Variants in MORC1 observed in about 807,000 individuals in gnomAD.
MORC1 encodes MORC family CW-type zinc finger 1.
A neutral mutation model predicts 134.9 loss-of-function variants in MORC1; 59 were observed. The ratio of observed to expected loss-of-function variants is 0.44; its 90% CI spans 0.35 to 0.54. The LOEUF (loss-of-function observed/expected upper bound fraction) is 0.54. Ranked by LOEUF, MORC1 falls within the 20% of genes least tolerant of loss-of-function variation. The pLI is 0.00. For synonymous variants in MORC1, 395 were observed against 391.7 expected (o/e 1.01, Z -0.10); for missense variants, 947 against 1,134.5 (o/e 0.83, Z 2.37).
chr3:109,067,647 C>A (rs1471155212), intron 9 of MORC1, among the ~76,000 whole-genome samples: 6 of 152,174 alleles, frequency 3.9e-5, no homozygotes, highest in Admixed American at 3.9e-4. Context: ...AGACACTTGG[C>A]GCTTCCCAGA....
chr3:109,078,035 A>G (rs1950456022), intron 8 of MORC1, among the ~76,000 whole-genome samples: 1 of 152,132 alleles, frequency 6.6e-6, no homozygotes, highest in Non-Finnish European at 1.5e-5. Context: ...TAAGAGCTTC[A>G]CTTAAGATTA....
chr3:109,035,414 T>A lies in MORC1; in HGVS notation c.1385A>T (p.Asp462Val). ...CNEFGYQNDI[D>V]VEKPLNSFQY... ...AAAAGAATTTAAAGGTTTCTCCACATCGATGTCATTCTGGTATCCAAATTC... is the reference window on the plus strand; with the variant it reads ...AAAAGAATTTAAAGGTTTCTCCACAACGATGTCATTCTGGTATCCAAATTC... The change falls in exon 15 of 28, where the codon GAT (aspartate) becomes GTT (valine). Residue 462 changes from aspartate to valine, a missense_variant. This residue lies in a region of MORC1 where 722 missense variants were observed against 817.0 expected (regional missense o/e 0.88). Transcript: ENST00000232603. The A allele has an allele frequency of 6.5e-7, 1 of 1,541,844 alleles. No individual in the cohort carries two copies.
At position 109,033,997 on chromosome 3, in the gene MORC1, A is replaced by G. The variant is rs530368348; in HGVS notation, c.1460-1172T>C. On this transcript the variant is annotated intron_variant, in intron 15 of 27. Transcript: ENST00000232603. ...ATCAAAATCACAGTAACTGTTATCC[A>G]TTATTATTAGCATGTGACAGGCTGT... Among the ~76,000 whole-genome samples, 9 of 152,282 alleles carry G rather than the reference A, an allele frequency of 5.9e-5. No individual in the cohort carries two copies. In the South Asian group the frequency reaches 1.9e-3, roughly 32 times the overall value.
intron 26 of MORC1, among the ~76,000 whole-genome samples, chr3:108,965,629 C>T (rs1263629634): frequency 1.3e-5 from 2 of 152,098 alleles, no homozygotes; most frequent in Non-Finnish European, 2.9e-5. Context: ...ATACAAACTT[C>T]CATGTATGAT....
At chr3:109,014,943 T>C (rs2107561609) in intron 17 of MORC1, among the ~76,000 whole-genome samples, 1 of 152,284 alleles carries the variant, frequency 6.6e-6, no homozygotes, top group Non-Finnish European at 1.5e-5. Flanking sequence ...TGGAGTGCAG[T>C]GGCGTAATCT....
At position 109,000,540 on chromosome 3, in the gene MORC1, T is replaced by C; in HGVS notation, c.2187+17A>G. On this transcript the variant is annotated intron_variant, in intron 21 of 27. Coordinates refer to ENST00000232603, the MANE Select transcript of MORC1 (RefSeq NM_014429.4). ...ATGAAAATCTCAAGGTGTCATTTAG[T>C]GTATAGTTTATCTCACCAGGATTAT... The C allele has an allele frequency of 6.5e-7, 1 of 1,535,814 alleles. No individual in the cohort carries two copies. Among genetic ancestry groups the C allele is most frequent in the Non-Finnish European group, 8.9e-7 (1 of 1,122,370 alleles).
chr3:109,012,573 T>C (rs1948716175), intron 17 of MORC1, among the ~76,000 whole-genome samples: 1 of 152,224 alleles, frequency 6.6e-6, no homozygotes, highest in African/African-American at 2.4e-5. Context: ...CATTTATGTG[T>C]TTTATTTAAT....
Position 109,045,176 on chromosome 3 carries a change from A to T in MORC1, c.1330+9552T>A, listed in dbSNP as rs569009629. On this transcript the variant is annotated intron_variant, in intron 14 of 27. Transcript: ENST00000232603. ...AAAATGGTATACCTGGAGAATGTTA[A>T]ATCAGTTCCCACTTTCAGGTGGTTC... Among the ~76,000 whole-genome samples the T allele has an allele frequency of 2.6e-5, 4 of 152,276 alleles. No homozygotes were observed. In the South Asian group the frequency reaches 6.2e-4, roughly 24 times the overall value.
At chr3:109,091,574 T>G (rs1429646875) in intron 8 of MORC1, among the ~76,000 whole-genome samples, 1 of 152,054 alleles carries the variant, frequency 6.6e-6, no homozygotes, top group Non-Finnish European at 1.5e-5. Flanking sequence ...GGCAAATCTT[T>G]TACAGAAAAA....
At chr3:109,101,783 T>C (rs117936115) in intron 4 of MORC1, among the ~76,000 whole-genome samples, 1 of 152,242 alleles carries the variant, frequency 6.6e-6, no homozygotes, top group Non-Finnish European at 1.5e-5. Context: ...ATGACCTGCA[T>C]GTCACAGATG....
At chr3:108,999,606 T>C (rs1948340049) in intron 21 of MORC1, among the ~76,000 whole-genome samples, 1 of 152,154 alleles carries the variant, frequency 6.6e-6, no homozygotes, top group African/African-American at 2.4e-5. Context: ...AATCCACAAA[T>C]CTATATAGCA....
chr3:109,025,954 C>T (rs1949064285), intron 17 of MORC1, among the ~76,000 whole-genome samples: 1 of 152,180 alleles, frequency 6.6e-6, no homozygotes, highest in Non-Finnish European at 1.5e-5. Context: ...AAAACCAACA[C>T]TACCCCTGCT....
At chr3:109,087,341 C>T (rs962656991) in intron 8 of MORC1, among the ~76,000 whole-genome samples, 5 of 152,032 alleles carry the variant, frequency 3.3e-5, no homozygotes, top group Admixed American at 2.6e-4. Context: ...AGTCTCAGCC[C>T]AAAAGCTCCT....
chr3:108,975,771 A>G (rs1947532895), intron 24 of MORC1, among the ~76,000 whole-genome samples: 1 of 152,088 alleles, frequency 6.6e-6, no homozygotes, highest in South Asian at 2.1e-4. Flanking sequence ...TACTAATATT[A>G]TTGCTATTAT....
intron 2 of MORC1, among the ~76,000 whole-genome samples, chr3:109,112,017 T>C (rs566849023): frequency 6.6e-6 from 1 of 152,308 alleles, no homozygotes; most frequent in African/African-American, 2.4e-5. Context: ...CCATAACACA[T>C]AGGTATCAAT....
At chr3:109,097,541 C>T (rs1950851413) in intron 6 of MORC1, among the ~76,000 whole-genome samples, 1 of 152,016 alleles carries the variant, frequency 6.6e-6, no homozygotes, top group African/African-American at 2.4e-5. Context: ...ATCACCAAGA[C>T]GAGGGCAAGG....
chr3:109,069,715 C>T lies in MORC1; in HGVS notation c.732G>A (p.Leu244=). The change falls in exon 9 of 28, where the codon CTG becomes CTA. Residue 244 remains leucine, a synonymous_variant. Transcript: ENST00000232603. ...RWSFRAYTSV[L]YFNPWMRIFI... ...ATATTCTCATCCATGGGTTAAAATA[C>T]AGAACAGATGTGTAGGCTCTGAATG... 1 of 1,612,756 alleles carries T rather than the reference C, an allele frequency of 6.2e-7. No homozygotes were observed. Among genetic ancestry groups the T allele is most frequent in the South Asian group, 1.1e-5 (1 of 90,928 alleles).
intron 9 of MORC1, among the ~76,000 whole-genome samples, chr3:109,064,162 G>A (rs932911832): frequency 6.6e-6 from 1 of 152,014 alleles, no homozygotes; most frequent in African/African-American, 2.4e-5. Flanking sequence ...TATATATAAT[G>A]TATAGAAAAC....
chr3:109,054,606 G>A, intron 14 of MORC1, 122 bp downstream of exon 14: 1 of 861,298 alleles, frequency 1.2e-6, no homozygotes. Flanking sequence ...TTTAAAGCAG[G>A]AGCTCCCTTT....
Sources: allele counts gnomAD v4.1 joint callset (sites outside exome capture counted in the v4.1 genomes callset), GRCh38; gene constraint gnomAD v4.1.1; regional missense constraint gnomAD v4.1.1; transcripts MANE v1.5; gene names NCBI Gene and HGNC (gene_info 2026-07-23, HGNC 2026-07-21).